Variants in ABCG1 observed in about 807,000 individuals in gnomAD.
ABCG1 encodes the protein ATP-binding cassette sub-family G member 1.
In ABCG1, 29 loss-of-function variants were observed where a neutral mutation model predicts 69.2. The ratio of observed to expected loss-of-function variants is 0.42; its 90% confidence interval spans 0.31 to 0.57. The LOEUF (loss-of-function observed/expected upper bound fraction) is 0.57. Ranked by LOEUF, ABCG1 falls within the 20% of genes least tolerant of loss-of-function variation. The pLI, the probability that ABCG1 is intolerant of heterozygous loss-of-function variation, is 0.15. For synonymous variants in ABCG1, 370 were observed against 374.8 expected (o/e 0.99, Z 0.15); for missense variants, 718 against 898.1 (o/e 0.80, Z 2.56).
In ABCG1 at chr21:42,288,396, A is replaced by T; in HGVS notation, c.1224+84A>T. On this transcript the variant is annotated intron_variant, in intron 10 of 14. Transcript: ENST00000398449. The surrounding 1 kb of genome is among the most constrained non-coding windows in gnomAD (Gnocchi z 4.8). ...TCGTCCTGACGGAATGTGTTCGTTC[A>T]TTCTCACATTGCTATAAAGAAATTC... is the stretch of plus-strand genomic sequence containing the variant. 1 of 992,546 alleles carries T rather than the reference A, an allele frequency of 1.0e-6. No homozygotes were observed. Among genetic ancestry groups the T allele is most frequent in the Non-Finnish European group, 1.5e-6 (1 of 648,406 alleles). 61.5% of individuals were successfully genotyped at this position (992,546 alleles called of 1,614,324 possible).
At chr21:42,236,587 C>T (rs1466839519) in intron 2 of ABCG1, among the ~76,000 whole-genome samples, 1 of 152,168 alleles carries the variant, frequency 6.6e-6, no homozygotes, top group African/African-American at 2.4e-5. Flanking sequence ...GCAAAGAGAC[C>T]CAAGGGCTTG....
At chr21:42,290,697 C>G (rs1393308044) in intron 11 of ABCG1, among the ~76,000 whole-genome samples, 1 of 152,190 alleles carries the variant, frequency 6.6e-6, no homozygotes, top group East Asian at 1.9e-4. Context: ...ATAAATAGCT[C>G]CTCCCTAGGT....
chr21:42,246,826 T>C (rs762572221), intron 2 of ABCG1, among the ~76,000 whole-genome samples: 4 of 152,186 alleles, frequency 2.6e-5, no homozygotes, highest in Non-Finnish European at 5.9e-5. Flanking sequence ...AATTTGAATC[T>C]TATATGCCTG....
intron 2 of ABCG1, among the ~76,000 whole-genome samples, chr21:42,261,811 G>A (rs1169812568): frequency 6.6e-6 from 1 of 152,208 alleles, no homozygotes; most frequent in Non-Finnish European, 1.5e-5. Flanking sequence ...CTCACGGAGA[G>A]GTCAGAACGC....
At chr21:42,201,718 C>T (rs757399408) in exon 2 of ABCG1, 1 of 1,613,968 alleles carries the variant, frequency 6.2e-7, no homozygotes, top group Non-Finnish European at 8.5e-7. Context: ...AAAGCCCTGC[C>T]CTCAGGTGTG....
In ABCG1 at chr21:42,287,917, T is replaced by C. The variant is rs765868952; in HGVS notation, c.1002T>C (p.Gly334=). 1 of 1,604,394 alleles carries C rather than the reference T, an allele frequency of 6.2e-7. No individual in the cohort carries two copies. Among genetic ancestry groups the C allele is most frequent in the Non-Finnish European group, 8.5e-7 (1 of 1,173,740 alleles). The change falls in exon 9 of 15, where the codon GGT becomes GGC. Residue 334 remains glycine (G), a synonymous_variant. Transcript: ENST00000398449. The surrounding 1 kb of genome is among the most constrained non-coding windows in gnomAD (Gnocchi z 6.2). ...TGGAGGTTGCATCCGGCGAGTACGG[T>C]GATCAGAACAGTCGGCTGGTGAGAG... The part of the protein sequence containing the change: ...FVMEVASGEY[G]DQNSRLVRAV...
At chr21:42,255,137 G>A (rs1213910508) in intron 2 of ABCG1, among the ~76,000 whole-genome samples, 1 of 152,264 alleles carries the variant, frequency 6.6e-6, no homozygotes, top group East Asian at 1.9e-4. Context: ...AATGCTTCAT[G>A]CCTGACAGGC....
In ABCG1 at chr21:42,219,913, G is replaced by T; in HGVS notation, c.42+609G>T. The stretch of plus-strand genomic sequence containing the variant: ...GGGGAGACCCGCGAGGGGCAAGCCC[G>T]GATTCCTGCCGGCCGCCTTTCTGCG... On this transcript the variant is annotated intron_variant, in intron 1 of 14. Transcript: ENST00000398449. This position sits in a 1 kb window ranked among gnomAD's most constrained non-coding sequence, Gnocchi z 5.3. 3.2e-6 allele frequency: 5 copies of T among 1,549,486 alleles called. No homozygotes were observed. The highest frequency in any genetic ancestry group is 4.4e-6 in the Non-Finnish European group (5 of 1,146,474).
intron 2 of ABCG1, among the ~76,000 whole-genome samples, chr21:42,262,828 A>G (rs225386): frequency 0.49 from 74,825 of 152,082 alleles, 18,550 homozygotes; most frequent in Middle Eastern, 0.65. Context: ...GGAGAAGAAC[A>G]CAGTAGTCGC....
At chr21:42,200,824 A>G (rs184911755) in intron 1 of ABCG1, among the ~76,000 whole-genome samples, 2 of 152,122 alleles carry the variant, frequency 1.3e-5, no homozygotes, top group East Asian at 1.9e-4. Flanking sequence ...CCTGACTTCA[A>G]GTGATCCACC....
rs145605291 is a variant in ABCG1 at position 42,294,728 on chromosome 21, G to A, written c.1772+68G>A. The A allele has an allele frequency of 1.0e-4, 144 of 1,441,656 alleles. No individual in the cohort carries two copies. The Middle Eastern group carries it at 1.1e-3, about 11-fold the overall frequency. The allele number at this position is 1,441,656 out of a possible 1,614,324, so 89.3% of individuals were successfully genotyped here. A position where few individuals can be genotyped will look rare whatever the true frequency, so the allele number is the denominator to read the frequency against. ...CGGGGGAAGAACCGTCTCCAACAGCGTGAGGGGCTCACAAAAGCCACTCTG... is the reference window on the plus strand; with the variant it reads ...CGGGGGAAGAACCGTCTCCAACAGCATGAGGGGCTCACAAAAGCCACTCTG... On this transcript the variant is annotated intron_variant, in intron 14 of 14. Transcript: ENST00000398449.
chr21:42,207,101 G>A (rs2067549416), intron 2 of ABCG1: 1 of 152,100 alleles, frequency 6.6e-6, no homozygotes, highest in South Asian at 2.1e-4. Context: ...TCTGTGTGGA[G>A]TTTGCTAAGG....
chr21:42,202,660 G>A (rs1481408996), intron 2 of ABCG1, among the ~76,000 whole-genome samples: 1 of 151,502 alleles, frequency 6.6e-6, no homozygotes, highest in Non-Finnish European at 1.5e-5. Context: ...CACCCAGGCT[G>A]AAGTACAGGG....
chr21:42,235,138 C>A (rs1040399548), intron 2 of ABCG1, among the ~76,000 whole-genome samples: 1 of 152,220 alleles, frequency 6.6e-6, no homozygotes, highest in Non-Finnish European at 1.5e-5. Context: ...GTCCAGGAAG[C>A]CTGAGAGCGC....
chr21:42,280,737 A>T (rs2068793302), intron 5 of ABCG1, among the ~76,000 whole-genome samples: 1 of 152,154 alleles, frequency 6.6e-6, no homozygotes, highest in South Asian at 2.1e-4. Context: ...AGAGAAGAAG[A>T]TGTGCCGCAT....
At chr21:42,244,856 T>C (rs1166329000) in intron 2 of ABCG1, among the ~76,000 whole-genome samples, 1 of 152,164 alleles carries the variant, frequency 6.6e-6, no homozygotes, top group Admixed American at 6.5e-5. Flanking sequence ...CGTAGGCAGG[T>C]GAAATCCCCA....
At chr21:42,238,507 T>C (rs932524601) in intron 2 of ABCG1, among the ~76,000 whole-genome samples, 4 of 152,228 alleles carry the variant, frequency 2.6e-5, no homozygotes, top group African/African-American at 9.6e-5. Flanking sequence ...TACTTGCGTG[T>C]ACAAGACAGG....
intron 2 of ABCG1, among the ~76,000 whole-genome samples, chr21:42,240,412 A>G (rs1278551339): frequency 1.3e-5 from 2 of 152,198 alleles, no homozygotes; most frequent in African/African-American, 4.8e-5. Context: ...GAAACATTAA[A>G]ATGTTTACTG....
At chr21:42,248,905 A>ATC (rs2068177208) in intron 2 of ABCG1, among the ~76,000 whole-genome samples, 2 of 149,908 alleles carry the variant, frequency 1.3e-5, no homozygotes, top group African/African-American at 4.9e-5. Flanking sequence ...CCTCTCTCAA[A>ATC]AAAAAAAAAA....
Sources: gnomAD v4.1 joint callset for allele counts (sites outside exome capture counted in the v4.1 genomes callset) on GRCh38, gnomAD v4.1.1 for gene constraint, Gnocchi (gnomAD v3.1) non-coding constraint, MANE v1.5 for transcripts, NCBI Gene and HGNC (gene_info 2026-07-23, HGNC 2026-07-21) for gene names.